NCOA5: variants seen among roughly 807,000 people sequenced by gnomAD.
NCOA5 encodes nuclear receptor coactivator 5, also known as NCoA-5.
In NCOA5, 12 loss-of-function variants were observed where a neutral mutation model predicts 59.0. That is an observed-to-expected ratio of 0.20 (90% CI 0.13 to 0.33). The LOEUF (loss-of-function observed/expected upper bound fraction) is 0.33. NCOA5 is among the 10% of genes least tolerant of loss of function. The pLI, the probability that NCOA5 is intolerant of heterozygous loss-of-function variation, is 1.00. For synonymous variants in NCOA5, 270 were observed against 275.5 expected, an observed-to-expected ratio of 0.98 and a Z score of 0.20; for missense variants, 655 against 766.6, an observed-to-expected ratio of 0.85 and a Z score of 1.72.
Position 46,076,567 on chromosome 20 carries a change from C to CT in NCOA5, c.38+2819dup, listed in dbSNP as rs111295797. 9.1e-3 allele frequency among the ~76,000 whole-genome samples: 1,245 copies of CT among 137,350 alleles called. 10 individuals are homozygous for CT. Among genetic ancestry groups the CT allele is most frequent in the African/African-American group, 0.027 (1,029 of 37,564 alleles). The allele number at this position is 137,350 out of a possible 152,430, so 90.1% of individuals were successfully genotyped here. A position where few individuals can be genotyped will look rare whatever the true frequency, so the allele number is the denominator to read the frequency against. ...ATTTTGAATACAATGTTAAATTTGT[C>CT]TTTTTTTTTTTTTAAGGTAAAAAAC... On this transcript the variant is annotated intron_variant, in intron 2 of 7. Transcript: ENST00000290231.
At chr20:46,064,126 A>G (rs2084796803) in intron 6 of NCOA5, among the ~76,000 whole-genome samples, 1 of 152,168 alleles carries the variant, frequency 6.6e-6, no homozygotes, top group Non-Finnish European at 1.5e-5. Flanking sequence ...CATCAGTTCA[A>G]AAGTCATAGA....
Position 46,072,932 on chromosome 20 carries a change from C to G in NCOA5, c.39-2396G>C, listed in dbSNP as rs564439266. The stretch of plus-strand genomic sequence containing the variant: ...ACAAACCCACTATGTAGAACAATGT[C>G]TGTTATACGACAGATGCTCTATATG... On this transcript the variant is annotated intron_variant, in intron 2 of 7. Transcript: ENST00000290231. 3.3e-5 allele frequency among the ~76,000 whole-genome samples: 5 copies of G among 152,348 alleles called. No individual in the cohort carries two copies. In the East Asian group the frequency reaches 9.6e-4, roughly 29 times the overall value.
At chr20:46,066,959 T>TA (rs2084830671) in intron 5 of NCOA5, 96 bp downstream of exon 5, 2 of 1,396,500 alleles carry the variant, frequency 1.4e-6, no homozygotes, top group Non-Finnish European at 1.9e-6. Flanking sequence ...AATGCAAGAA[T>TA]ACACAGCTCA....
intron 1 of NCOA5, among the ~76,000 whole-genome samples, chr20:46,086,802 G>GACTGACTCAGCGTAGTA (rs2085050019): frequency 6.6e-6 from 1 of 152,194 alleles, no homozygotes; most frequent in Non-Finnish European, 1.5e-5. Context: ...TCAGTTCTGA[G>GACTGACTCAGCGTAGTA]GAACACTATT....
Position 46,062,854 on chromosome 20 carries a change from C to T in NCOA5, c.1186G>A (p.Gly396Ser). The T allele has an allele frequency of 6.6e-7, 1 of 1,522,308 alleles. No homozygotes were observed. Among genetic ancestry groups the T allele is most frequent in the Non-Finnish European group, 8.8e-7 (1 of 1,136,018 alleles). The allele number at this position is 1,522,308 out of a possible 1,614,324, so 94.3% of individuals were successfully genotyped here. A position where few individuals can be genotyped will look rare whatever the true frequency, so the allele number is the denominator to read the frequency against. Residue 396 changes from glycine (G) to serine (S), a missense_variant, in exon 8 of 8, where the codon GGT becomes AGT. This residue lies in a region of NCOA5 where 325 missense variants were observed against 353.2 expected (regional missense o/e 0.92). Coordinates refer to ENST00000290231, the MANE Select transcript of NCOA5 (RefSeq NM_020967.3). ...ISRQPLGATS[G>S]ASLKTQPSSQ... ...CTTGGCTGTGTCTTCAGCGAGGCAC[C>T]CGAGGTCGCCCCGAGTGGTTGGCGG...
chr20:46,082,390 C>T (rs2085001054), intron 1 of NCOA5, among the ~76,000 whole-genome samples: 1 of 152,150 alleles, frequency 6.6e-6, no homozygotes, highest in African/African-American at 2.4e-5. Context: ...ATTTGGAGAT[C>T]TTTCTGGACA....
intron 3 of NCOA5, among the ~76,000 whole-genome samples, chr20:46,068,912 T>A (rs1190922049): frequency 6.6e-6 from 1 of 152,220 alleles, no homozygotes; most frequent in African/African-American, 2.4e-5. Flanking sequence ...TTGTGCTTTT[T>A]AAAATTATAT....
intron 1 of NCOA5, among the ~76,000 whole-genome samples, chr20:46,088,599 C>T (rs1318032719): frequency 6.6e-5 from 10 of 152,220 alleles, no homozygotes; most frequent in Admixed American, 6.5e-4. Context: ...GCTACGACAT[C>T]ACAACGCTGT....
rs1391175957 is a variant in NCOA5 at position 46,067,714 on chromosome 20, T to C, written c.503-533A>G. ...TTAAAGATTTCAACTTGGCCAGGTATGAAATAATTTAAGAACCTTTAAAGA... is the reference window on the plus strand; with the variant it reads ...TTAAAGATTTCAACTTGGCCAGGTACGAAATAATTTAAGAACCTTTAAAGA... On this transcript the variant is annotated intron_variant, in intron 4 of 7. Coordinates refer to ENST00000290231, the MANE Select transcript of NCOA5 (RefSeq NM_020967.3). Among the ~76,000 whole-genome samples the C allele has an allele frequency of 2.0e-5, 3 of 152,172 alleles. No individual in the cohort carries two copies. The East Asian group carries it at 5.8e-4, about 29-fold the overall frequency.
intron 1 of NCOA5, among the ~76,000 whole-genome samples, chr20:46,089,546 G>A (rs569949426): frequency 6.6e-6 from 1 of 152,306 alleles, no homozygotes; most frequent in South Asian, 2.1e-4. Flanking sequence ...GCACAGACAG[G>A]CGGCTGCGAT....
At position 46,080,095 on chromosome 20, in the gene NCOA5, T is replaced by C. The variant is rs79211133; in HGVS notation, c.-29-642A>G. Among the ~76,000 whole-genome samples the C allele has an allele frequency of 1.7e-3, 259 of 152,280 alleles. 6 individuals are homozygous for C. The East Asian group carries it at 0.048, about 28-fold the overall frequency. ...GATAACCAAGAATAAGGACTGGCGT[T>C]TGGTATAGTAGGGTTAGGTAATAAA... On this transcript the variant is annotated intron_variant, in intron 1 of 7. Transcript: ENST00000290231.
intron 2 of NCOA5, among the ~76,000 whole-genome samples, chr20:46,072,077 G>A (rs770928961): frequency 6.6e-6 from 1 of 152,040 alleles, no homozygotes; most frequent in Non-Finnish European, 1.5e-5. Context: ...TTCCCTTAAA[G>A]CCTCATCCTC....
intron 7 of NCOA5, 88 bp downstream of exon 7, chr20:46,063,272 G>GT: frequency 2.2e-6 from 3 of 1,388,726 alleles, no homozygotes; most frequent in Non-Finnish European, 2.9e-6. Context: ...ACTCCAAAGA[G>GT]CCCTGGGCCT....
chr20:46,070,779 G>A (rs2084874456), intron 2 of NCOA5, among the ~76,000 whole-genome samples: 1 of 152,090 alleles, frequency 6.6e-6, no homozygotes, highest in Non-Finnish European at 1.5e-5. Flanking sequence ...GGTTTTGACT[G>A]GATAACAGTA....
At chr20:46,080,251 A>C (rs1356938231) in intron 1 of NCOA5, among the ~76,000 whole-genome samples, 1 of 152,186 alleles carries the variant, frequency 6.6e-6, no homozygotes, top group East Asian at 1.9e-4. Context: ...AAAAACCAAG[A>C]ATACCTGCTT....
At chr20:46,086,732 C>T (rs1428914515) in intron 1 of NCOA5, among the ~76,000 whole-genome samples, 1 of 152,116 alleles carries the variant, frequency 6.6e-6, no homozygotes, top group African/African-American at 2.4e-5. Flanking sequence ...TAAAGATATG[C>T]AGTAATCATT....
chr20:46,062,484 G>C lies in NCOA5; in HGVS notation c.1556C>G (p.Ala519Gly), dbSNP rs760208879. Reference sequence around the variant, plus strand: ...AGGCCTCTGGCTAGTCATGTTGCTAGCAGGTGCCAGGCGACTGGAAGGCTG... The same window carrying C: ...AGGCCTCTGGCTAGTCATGTTGCTACCAGGTGCCAGGCGACTGGAAGGCTG... ...FGQPSSRLAPASNMTSQRPVS... is the reference protein window; with the variant it reads ...FGQPSSRLAPGSNMTSQRPVS... The change falls in exon 8 of 8, where the codon GCT (alanine) becomes GGT (glycine). Residue 519 changes from alanine to glycine, a missense_variant. Physicochemically the swap from Ala to Gly is moderately conservative, Grantham distance 60 (BLOSUM62 0). Around this residue, in one of 3 missense-constraint regions of NCOA5, gnomAD observed 325 missense variants for 353.2 expected, o/e 0.92. Coordinates refer to ENST00000290231, the MANE Select transcript of NCOA5 (RefSeq NM_020967.3). The C allele has an allele frequency of 3.1e-6, 5 of 1,614,186 alleles. No individual in the cohort carries two copies. In the Admixed American group the frequency reaches 8.3e-5, roughly 27 times the overall value.
chr20:46,080,412 G>C (rs1053947307), intron 1 of NCOA5, among the ~76,000 whole-genome samples: 2 of 152,168 alleles, frequency 1.3e-5, no homozygotes, highest in African/African-American at 4.8e-5. Flanking sequence ...GCTTTCTGCT[G>C]CAGTAGAGTT....
Position 46,062,659 on chromosome 20 carries a change from G to A in NCOA5, c.1381C>T (p.Pro461Ser). ...ASPSVAAGNT[P>S]NQNFSTAANS... ...GCTGCTGTGGAAAAATTCTGGTTTGGGGTGTTTCCGGCAGCAACCGAGGGG... is the reference window on the plus strand; with the variant it reads ...GCTGCTGTGGAAAAATTCTGGTTTGAGGTGTTTCCGGCAGCAACCGAGGGG... Residue 461 changes from proline to serine, a missense_variant, in exon 8 of 8, where the codon CCA becomes TCA. Pro to Ser is a moderately conservative substitution (Grantham distance 74, BLOSUM62 -1). Transcript: ENST00000290231. 6.2e-7 allele frequency: 1 copy of A among 1,614,188 alleles called. No individual in the cohort carries two copies. Among genetic ancestry groups the A allele is most frequent in the Non-Finnish European group, 8.5e-7 (1 of 1,180,036 alleles).
Sources: gnomAD v4.1 joint callset for allele counts (sites outside exome capture counted in the v4.1 genomes callset) on GRCh38, gnomAD v4.1.1 for gene constraint, gnomAD v4.1.1 regional missense constraint, MANE v1.5 for transcripts, NCBI Gene and HGNC (gene_info 2026-07-23, HGNC 2026-07-21) for gene names.